DGKB: variants seen among roughly 807,000 people sequenced by gnomAD.
The protein encoded by DGKB is 90 kDa diacylglycerol kinase.
In DGKB, 67 loss-of-function variants were observed where a neutral mutation model predicts 114.3. The observed-to-expected ratio is 0.59, with a 90% confidence interval of 0.48 to 0.72. DGKB has a LOEUF of 0.72. Among genes scored for constraint, DGKB ranks in the 30% least tolerant of loss-of-function variants. The probability of loss-of-function intolerance (pLI) is 0.00; values close to 1 mark genes in which losing one functional copy is unlikely to be tolerated. For synonymous variants in DGKB, 398 were observed against 323.1 expected (o/e 1.23, Z -2.49); for missense variants, 907 against 975.2 (o/e 0.93, Z 0.93).
At chr7:14,563,432 C>T (rs1487071329) in intron 20 of DGKB, among the ~76,000 whole-genome samples, 1 of 152,070 alleles carries the variant, frequency 6.6e-6, no homozygotes, top group Admixed American at 6.6e-5. Context: ...TGGTAAGTGC[C>T]ATTTTGTCTG....
At chr7:14,674,520 G>T (rs983010023) in intron 12 of DGKB, among the ~76,000 whole-genome samples, 1 of 152,162 alleles carries the variant, frequency 6.6e-6, no homozygotes, top group Non-Finnish European at 1.5e-5. Flanking sequence ...AGATTAGCAA[G>T]TGTTGGGATG....
chr7:14,173,130 A>C (rs1781251417), intron 25 of DGKB, among the ~76,000 whole-genome samples: 1 of 152,210 alleles, frequency 6.6e-6, no homozygotes, highest in Admixed American at 6.5e-5. Flanking sequence ...CAAAACAATG[A>C]ATACAGGAGC....
At chr7:14,319,640 C>G (rs887331435) in intron 23 of DGKB, among the ~76,000 whole-genome samples, 4 of 151,968 alleles carry the variant, frequency 2.6e-5, no homozygotes, top group African/African-American at 9.7e-5. Context: ...TACTCTTTGG[C>G]TAATTGGGCT....
chr7:14,374,028 G>C (rs1389354985), intron 21 of DGKB, among the ~76,000 whole-genome samples: 1 of 152,010 alleles, frequency 6.6e-6, no homozygotes, highest in Non-Finnish European at 1.5e-5. Context: ...GACAGTCACA[G>C]AGCAGCTCAT....
At chr7:14,696,981 T>G (rs1343666903) in intron 8 of DGKB, among the ~76,000 whole-genome samples, 2 of 152,228 alleles carry the variant, frequency 1.3e-5, no homozygotes, top group African/African-American at 2.4e-5. Context: ...GCATAAAATG[T>G]AAAATCATTT....
At chr7:14,562,788 G>C (rs1053292478) in intron 20 of DGKB, among the ~76,000 whole-genome samples, 5 of 152,130 alleles carry the variant, frequency 3.3e-5, no homozygotes, top group Non-Finnish European at 7.4e-5. Flanking sequence ...GAAGGGACTT[G>C]CCTTGTTTTA....
intron 5 of DGKB, among the ~76,000 whole-genome samples, chr7:14,732,571 A>T (rs1831083786): frequency 6.6e-6 from 1 of 152,060 alleles, no homozygotes; most frequent in Non-Finnish European, 1.5e-5. Flanking sequence ...AAAAAAAAAT[A>T]GGGTTAGATA....
At chr7:14,564,887 G>A (rs978176159) in intron 20 of DGKB, among the ~76,000 whole-genome samples, 6 of 151,838 alleles carry the variant, frequency 4.0e-5, no homozygotes, top group Non-Finnish European at 8.8e-5. Context: ...AAACCTCAAG[G>A]CTTTATCCTA....
At chr7:14,673,690 A>G (rs1331899636) in intron 12 of DGKB, among the ~76,000 whole-genome samples, 1 of 152,038 alleles carries the variant, frequency 6.6e-6, no homozygotes, top group Non-Finnish European at 1.5e-5. Flanking sequence ...ATTTTTATTA[A>G]CCTGGTCATA....
At chr7:14,880,795 C>T (rs972648265) in intron 1 of DGKB, among the ~76,000 whole-genome samples, 1 of 152,246 alleles carries the variant, frequency 6.6e-6, no homozygotes, top group East Asian at 1.9e-4. Flanking sequence ...ACCATTAAAA[C>T]TTAGTGTATA....
chr7:14,531,322 C>CA, intron 20 of DGKB, among the ~76,000 whole-genome samples: 1 of 151,444 alleles, frequency 6.6e-6, no homozygotes, highest in South Asian at 2.1e-4. Context: ...TAGAGCCCAA[C>CA]AAAAACATCA....
chr7:14,820,094 A>G (rs1844708497), intron 2 of DGKB, among the ~76,000 whole-genome samples: 2 of 152,142 alleles, frequency 1.3e-5, no homozygotes, highest in African/African-American at 4.8e-5. Flanking sequence ...TAGTACTGGC[A>G]TGAGACTAGC....
At position 14,893,953 on chromosome 7, in the gene DGKB, GT is replaced by G. The variant is rs1009469981; in HGVS notation, c.-188+8638del. On this transcript the variant is annotated intron_variant, in intron 1 of 25. Coordinates refer to ENST00000402815, the MANE Select transcript of DGKB (RefSeq NM_001350709.2). Reference sequence around the variant, plus strand: ...TGTCAAAATCGGGTTCTGTTCATAAGTTTTTTTTTCCAGAACCTACTACTCT... The same window carrying G: ...TGTCAAAATCGGGTTCTGTTCATAAGTTTTTTTTCCAGAACCTACTACTCT... Among the ~76,000 whole-genome samples the G allele has an allele frequency of 4.0e-4, 60 of 150,510 alleles. 1 individual carries two copies. Among genetic ancestry groups the G allele is most frequent in the Admixed American group, 1.5e-3 (22 of 15,040 alleles).
At chr7:14,492,044 A>G (rs1435858297) in intron 20 of DGKB, among the ~76,000 whole-genome samples, 3 of 152,100 alleles carry the variant, frequency 2.0e-5, no homozygotes, top group Non-Finnish European at 4.4e-5. Context: ...TATCCTTATA[A>G]ATGATTAATT....
chr7:14,651,349 C>T (rs1175623219), intron 13 of DGKB, among the ~76,000 whole-genome samples: 1 of 151,330 alleles, frequency 6.6e-6, no homozygotes, highest in East Asian at 1.9e-4. Context: ...TCAATACACG[C>T]AAATCAATAA....
chr7:14,557,415 TG>T (rs1338936347), intron 20 of DGKB, among the ~76,000 whole-genome samples: 2 of 152,200 alleles, frequency 1.3e-5, no homozygotes. Flanking sequence ...GTATTCTATT[TG>T]TCATTTTTTT....
At chr7:14,324,466 AG>A (rs1483537618) in intron 23 of DGKB, among the ~76,000 whole-genome samples, 2 of 151,698 alleles carry the variant, frequency 1.3e-5, no homozygotes, top group Non-Finnish European at 2.9e-5. Context: ...AAAAAAAGAA[AG>A]AATGTCAGAT....
intron 23 of DGKB, among the ~76,000 whole-genome samples, chr7:14,287,851 G>T (rs962156705): frequency 6.6e-5 from 10 of 152,058 alleles, no homozygotes; most frequent in African/African-American, 2.4e-4. Context: ...TTAATAGAAG[G>T]ACAGCCTGCC....
At chr7:14,949,955 G>T (rs1218469122) in intron 1 of DGKB, among the ~76,000 whole-genome samples, 1 of 151,756 alleles carries the variant, frequency 6.6e-6, no homozygotes, top group African/African-American at 2.4e-5. Context: ...CTTGTTGTGG[G>T]GTGGGGGGAG....
Sources: gnomAD v4.1 joint callset for allele counts (sites outside exome capture counted in the v4.1 genomes callset) on GRCh38, gnomAD v4.1.1 for gene constraint, MANE v1.5 for transcripts, NCBI Gene and HGNC (gene_info 2026-07-23, HGNC 2026-07-21) for gene names.